The following COBL variants were observed in gnomAD, a reference collection of about 807,000 sequenced individuals.
COBL encodes the protein protein cordon-bleu.
In COBL, 51 loss-of-function variants were observed where a neutral mutation model predicts 98.8. That is an observed-to-expected ratio of 0.52 (90% confidence interval 0.41 to 0.65). The LOEUF is 0.65. COBL is among the 30% of genes least tolerant of loss of function. COBL has a pLI of 0.00. For synonymous variants in COBL, 634 were observed against 651.7 expected, an observed-to-expected ratio of 0.97 and a Z score of 0.41; for missense variants, 1,617 against 1,617.5, an observed-to-expected ratio of 1.00 and a Z score of 0.01.
At chr7:51,075,171 T>C (rs2128927968) in intron 7 of COBL, among the ~76,000 whole-genome samples, 1 of 152,362 alleles carries the variant, frequency 6.6e-6, no homozygotes, top group Non-Finnish European at 1.5e-5. Context: ...TTTTCTGCTA[T>C]TCACAATGTA....
At chr7:51,255,006 G>A (rs1008174679) in intron 1 of COBL, among the ~76,000 whole-genome samples, 2 of 152,096 alleles carry the variant, frequency 1.3e-5, no homozygotes, top group African/African-American at 2.4e-5. Context: ...TAAAAAGTAC[G>A]TTGTGGATAG....
chr7:51,260,277 A>G (rs922601692), intron 1 of COBL: 1 of 486,672 alleles, frequency 2.1e-6, no homozygotes, highest in South Asian at 3.5e-5. Flanking sequence ...TAAATTATGA[A>G]GTGGCTTTTG....
chr7:51,230,083 A>G (rs1317678732), intron 1 of COBL, among the ~76,000 whole-genome samples: 1 of 152,096 alleles, frequency 6.6e-6, no homozygotes, highest in Non-Finnish European at 1.5e-5. Flanking sequence ...CTCCCCCAGC[A>G]GGGAAGAGGC....
At chr7:51,288,500 C>G (rs1360441730) in intron 1 of COBL, among the ~76,000 whole-genome samples, 1 of 151,248 alleles carries the variant, frequency 6.6e-6, no homozygotes, top group Non-Finnish European at 1.5e-5. Context: ...CACCTGTAAT[C>G]CCAGCACTTT....
At chr7:51,230,495 A>G (rs1794642093) in intron 1 of COBL, among the ~76,000 whole-genome samples, 2 of 151,844 alleles carry the variant, frequency 1.3e-5, no homozygotes, top group South Asian at 4.2e-4. Context: ...ATGGGATTCT[A>G]TCTGACTTCC....
intron 6 of COBL, among the ~76,000 whole-genome samples, chr7:51,109,609 G>C (rs1240946678): frequency 6.6e-6 from 1 of 151,680 alleles, no homozygotes; most frequent in Admixed American, 6.6e-5. Context: ...CTGTCGTTCT[G>C]TCTCTCAGAG....
At chr7:51,030,509 G>A (rs1407935968) in intron 9 of COBL, among the ~76,000 whole-genome samples, 5 of 152,032 alleles carry the variant, frequency 3.3e-5, no homozygotes, top group East Asian at 3.9e-4. Flanking sequence ...TATTTTTTGC[G>A]CCACCCTTTT....
chr7:51,252,697 A>G (rs1220734019), intron 1 of COBL, among the ~76,000 whole-genome samples: 3 of 152,216 alleles, frequency 2.0e-5, no homozygotes, highest in Non-Finnish European at 2.9e-5. Context: ...ATATTGGCAC[A>G]TAGTATCAGG....
chr7:51,111,968 G>A (rs1441176409), intron 6 of COBL, among the ~76,000 whole-genome samples: 2 of 152,174 alleles, frequency 1.3e-5, no homozygotes, highest in African/African-American at 4.8e-5. Context: ...CTAGGAAGAG[G>A]TGAAGATTAG....
chr7:51,241,729 T>A (rs1360971062), intron 1 of COBL, among the ~76,000 whole-genome samples: 1 of 152,190 alleles, frequency 6.6e-6, no homozygotes, highest in Non-Finnish European at 1.5e-5. Context: ...ATTTCCTCAC[T>A]TCACATGGTT....
intron 2 of COBL, among the ~76,000 whole-genome samples, chr7:51,210,346 C>T (rs1792294628): frequency 6.6e-6 from 1 of 152,206 alleles, no homozygotes; most frequent in Admixed American, 6.5e-5. Context: ...TCCCCACAGA[C>T]ATGAGTTATC....
At chr7:51,285,165 T>C (rs1409606706) in intron 1 of COBL, among the ~76,000 whole-genome samples, 1 of 152,084 alleles carries the variant, frequency 6.6e-6, no homozygotes, top group African/African-American at 2.4e-5. Context: ...CAGGCTGGTC[T>C]TGAACTCCTG....
chr7:51,209,422 C>A (rs867855184), intron 2 of COBL, among the ~76,000 whole-genome samples: 4 of 152,292 alleles, frequency 2.6e-5, no homozygotes, highest in Middle Eastern at 3.4e-3. Context: ...GCCTGGGCAG[C>A]CCCAACCCTC....
At chr7:51,200,724 T>C (rs978711299) in intron 2 of COBL, among the ~76,000 whole-genome samples, 5 of 152,120 alleles carry the variant, frequency 3.3e-5, no homozygotes, top group African/African-American at 1.2e-4. Context: ...AAGAGAACTA[T>C]AATAAAGGTA....
intron 5 of COBL, among the ~76,000 whole-genome samples, chr7:51,146,639 A>G (rs1785057359): frequency 2.4e-5 from 2 of 83,478 alleles, no homozygotes; most frequent in African/African-American, 9.5e-5. Context: ...TGGAGCTGCT[A>G]GTGCAGGAAT....
rs1797581899 is a variant in COBL, at chr7:51,260,050, CCTT to C, written c.42-40109_42-40107del. 29 of 931,816 alleles carry C rather than the reference CCTT, an allele frequency of 3.1e-5. 1 individual carries two copies. The South Asian group carries it at 3.2e-4, about 10-fold the overall frequency. The allele number at this position is 931,816 out of a possible 1,614,324, so 57.7% of individuals were successfully genotyped here. ...TTGAGCCCTTTTCCTTTCCTCTGCTCCTTCTTCTCCAAAAGTGTCTGCTTTGCC... is the reference window on the plus strand; with the variant it reads ...TTGAGCCCTTTTCCTTTCCTCTGCTCCTTCTCCAAAAGTGTCTGCTTTGCC... On this transcript the variant is annotated intron_variant, in intron 1 of 12. Coordinates refer to ENST00000265136, the MANE Select transcript of COBL (RefSeq NM_015198.5).
At chr7:51,037,455 G>A (rs1468142086) in intron 8 of COBL, among the ~76,000 whole-genome samples, 1 of 152,230 alleles carries the variant, frequency 6.6e-6, no homozygotes, top group Admixed American at 6.5e-5. Context: ...CAGATTAAGT[G>A]ATTCTTTAAC....
intron 7 of COBL, chr7:51,064,934 C>T (rs548091651): frequency 1.4e-4 from 79 of 580,096 alleles, no homozygotes; most frequent in Non-Finnish European, 2.1e-4. Context: ...TCTGTGGTGA[C>T]GGGTTCATAT....
chr7:51,304,634 A>G (rs1326007521), intron 1 of COBL, among the ~76,000 whole-genome samples: 2 of 152,250 alleles, frequency 1.3e-5, no homozygotes, highest in Non-Finnish European at 2.9e-5. Context: ...AACAGGTGTC[A>G]GGACAGAGTT....
Sources: gnomAD v4.1 joint callset for allele counts (sites outside exome capture counted in the v4.1 genomes callset) on GRCh38, gnomAD v4.1.1 for gene constraint, MANE v1.5 for transcripts, NCBI Gene and HGNC (gene_info 2026-07-23, HGNC 2026-07-21) for gene names.